Variants in ITGAM observed in about 807,000 individuals in gnomAD.
ITGAM encodes integrin alpha-M.
ITGAM carries 79 observed loss-of-function variants against 137.5 expected under a neutral mutation model. The ratio of observed to expected loss-of-function variants is 0.57; its 90% CI spans 0.48 to 0.69. The LOEUF is 0.69. Ranked by LOEUF, ITGAM falls within the 30% of genes least tolerant of loss-of-function variation. ITGAM has a pLI of 0.00. For missense variants in ITGAM, 1,343 were observed against 1,483.5 expected (o/e 0.91, Z 1.56); for synonymous variants, 583 against 592.3 (o/e 0.98, Z 0.23).
At chr16:31,284,908 C>T (rs575336751) in intron 12 of ITGAM, among the ~76,000 whole-genome samples, 23 of 152,022 alleles carry the variant, frequency 1.5e-4, no homozygotes, top group Non-Finnish European at 2.4e-4. Context: ...CATGTTGGCT[C>T]ATGCCTGTAA....
intron 26 of ITGAM, 45 bp downstream of exon 26, chr16:31,330,209 G>A (rs369305295): frequency 8.4e-5 from 135 of 1,599,658 alleles, no homozygotes; most frequent in Non-Finnish European, 1.1e-4. Flanking sequence ...GACCCAGAGC[G>A]CTTCCCTGCT....
At chr16:31,261,832 C>A in intron 2 of ITGAM, 35 bp downstream of exon 2, 1 of 1,383,018 alleles carries the variant, frequency 7.2e-7, no homozygotes, top group Non-Finnish European at 1.0e-6. Flanking sequence ...TTTCTCAGTG[C>A]TTTCTCTCCA....
chr16:31,329,073 T>TTCCCCCTCCCCCCCCCCCCCC, intron 23 of ITGAM, 155 bp from the exon 24 acceptor site: 1 of 426,234 alleles, frequency 2.3e-6, no homozygotes, highest in Non-Finnish European at 4.5e-6. Flanking sequence ...ACACATTGGT[T>TTCCCCCTCCCCCCCCCCCCCC]CCCCCATCCC....
In ITGAM at chr16:31,273,358, T is replaced by G; in HGVS notation, c.705-7T>G. 6.2e-7 allele frequency: 1 copy of G among 1,611,726 alleles called. No individual in the cohort carries two copies. Among genetic ancestry groups the G allele is most frequent in the Non-Finnish European group, 8.5e-7 (1 of 1,178,796 alleles). On this transcript the variant is annotated splice_region_variant and splice_polypyrimidine_tract_variant and intron_variant, in intron 7 of 29. Transcript: ENST00000544665. ...ATTTGACTTTGTCCCTCCTGTTTCC[T>G]GCACAGACGAGAGCTGTTTAACATC...
chr16:31,330,002 G>C, intron 25 of ITGAM, 79 bp from the exon 26 acceptor site: 1 of 1,549,214 alleles, frequency 6.5e-7, no homozygotes, highest in Admixed American at 1.9e-5. Context: ...CCCTCTCCTG[G>C]ACCCAGGCCA....
Position 31,331,672 on chromosome 16 carries a change from A to T in ITGAM, c.3424A>T (p.Ser1142Cys). Residue 1142 changes from serine to cysteine, a missense_variant, in exon 30 of 30, where the codon AGT (serine) becomes TGT (cysteine). Transcript: ENST00000544665. Reference protein sequence around the residue: ...FFKRQYKDMMSEGGPPGAEPQ With the variant: ...FFKRQYKDMMCEGGPPGAEPQ ...CAAGCGGCAATACAAGGACATGATG[A>T]GTGAAGGGGGTCCCCCGGGGGCCGA... 1 of 1,610,076 alleles carries T rather than the reference A, an allele frequency of 6.2e-7. No individual in the cohort carries two copies. The highest frequency in any genetic ancestry group is 1.3e-5 in the African/African-American group (1 of 74,826).
intron 14 of ITGAM, among the ~76,000 whole-genome samples, chr16:31,300,826 C>T (rs572757617): frequency 1.3e-5 from 2 of 152,216 alleles, no homozygotes; most frequent in East Asian, 3.9e-4. Context: ...ATGGGAGAAT[C>T]GCTTGAACCC....
At chr16:31,302,928 CTTTCTTTCTTTCTT>C (rs1398965458) in intron 14 of ITGAM, among the ~76,000 whole-genome samples, 3 of 29,468 alleles carry the variant, frequency 1.0e-4, no homozygotes, top group African/African-American at 2.6e-4. Flanking sequence ...CTCTTTCTTT[CTTTCTTTCTTTCTT>C]TCTTTCTTTC....
chr16:31,280,883 A>T (rs1465695939), intron 12 of ITGAM, among the ~76,000 whole-genome samples: 1 of 152,140 alleles, frequency 6.6e-6, no homozygotes, highest in Non-Finnish European at 1.5e-5. Flanking sequence ...TTAGTTTGAG[A>T]TACGTCCCAT....
At chr16:31,329,003 G>C (rs1324576310) in intron 23 of ITGAM, 1 of 611,564 alleles carries the variant, frequency 1.6e-6, no homozygotes, top group Non-Finnish European at 2.9e-6. Context: ...TGTGCTCATG[G>C]GTGTGCATTT....
rs374380420 is a variant in ITGAM, at chr16:31,297,957, G to A, written c.1707+3G>A. ...GCATCAGCCCCTCCCATAGCCAGGT[G>A]AGACCTGGTCACTGTCCTTGTCATG... On this transcript the variant is annotated splice_donor_region_variant and intron_variant, in intron 14 of 29. Coordinates refer to ENST00000544665, the MANE Select transcript of ITGAM (RefSeq NM_000632.4). The A allele has an allele frequency of 6.2e-7, 1 of 1,609,790 alleles. No homozygotes were observed. Among genetic ancestry groups the A allele is most frequent in the African/African-American group, 1.3e-5 (1 of 74,796 alleles).
chr16:31,307,014 GA>G (rs1356456793), intron 14 of ITGAM, among the ~76,000 whole-genome samples: 1 of 152,006 alleles, frequency 6.6e-6, no homozygotes. Context: ...AAGAAAAAAA[GA>G]AAAGACCAGT....
intron 5 of ITGAM, among the ~76,000 whole-genome samples, chr16:31,270,699 G>GTGTATATATATATATA (rs1477833816): frequency 5.0e-4 from 13 of 26,004 alleles, no homozygotes; most frequent in Admixed American, 2.1e-3. Context: ...GTGTGTGTGT[G>GTGTATATATATATATA]TATATATATA....
At chr16:31,280,689 A>T (rs148375679) in intron 12 of ITGAM, among the ~76,000 whole-genome samples, 129 of 151,442 alleles carry the variant, frequency 8.5e-4, no homozygotes, top group African/African-American at 2.9e-3. Flanking sequence ...GCAAACAGGG[A>T]CAATATGAAT....
intron 2 of ITGAM, among the ~76,000 whole-genome samples, chr16:31,263,857 A>G (rs1392762696): frequency 1.4e-5 from 2 of 146,724 alleles, no homozygotes; most frequent in African/African-American, 2.6e-5. Context: ...ATTTATTGAG[A>G]TGGAGTCTCG....
intron 12 of ITGAM, among the ~76,000 whole-genome samples, chr16:31,285,077 A>G (rs576486909): frequency 1.1e-3 from 162 of 152,208 alleles, no homozygotes; most frequent in Non-Finnish European, 2.0e-3. Flanking sequence ...TAAAACTCTA[A>G]ACAGGTCCAC....
chr16:31,330,841 A>T (rs1450888671), intron 28 of ITGAM, among the ~76,000 whole-genome samples: 1 of 148,202 alleles, frequency 6.7e-6, no homozygotes, highest in Non-Finnish European at 1.5e-5. Flanking sequence ...TCAGAGAGAT[A>T]GAGATAGAGA....
intron 2 of ITGAM, among the ~76,000 whole-genome samples, chr16:31,265,121 G>C (rs897659293): frequency 1.3e-5 from 2 of 152,022 alleles, no homozygotes; most frequent in Admixed American, 6.6e-5. Context: ...CACCCCCTTG[G>C]CCTCCCAAAG....
intron 12 of ITGAM, among the ~76,000 whole-genome samples, chr16:31,281,614 T>C (rs1320088742): frequency 7.2e-5 from 11 of 152,220 alleles, no homozygotes; most frequent in Admixed American, 7.2e-4. Flanking sequence ...CTCTCTTTTC[T>C]TCTTTATTAG....
Sources: gnomAD v4.1 joint callset for allele counts (sites outside exome capture counted in the v4.1 genomes callset) on GRCh38, gnomAD v4.1.1 for gene constraint, MANE v1.5 for transcripts, NCBI Gene and HGNC (gene_info 2026-07-23, HGNC 2026-07-21) for gene names.